FBXL17: variants seen among roughly 807,000 people sequenced by gnomAD.
FBXL17 encodes F-box/LRR-repeat protein 17.
A neutral mutation model predicts 66.2 loss-of-function variants in FBXL17; 22 were observed. The ratio of observed to expected loss-of-function variants is 0.33; its 90% CI spans 0.24 to 0.47. FBXL17 has a LOEUF of 0.47. Ranked by LOEUF, FBXL17 falls within the 20% of genes least tolerant of loss-of-function variation. The probability of loss-of-function intolerance (pLI) is 1.00; values close to 1 mark genes in which losing one functional copy is unlikely to be tolerated. For synonymous variants in FBXL17, 474 were observed against 400.5 expected (o/e 1.18, Z -2.19); for missense variants, 878 against 948.2 (o/e 0.93, Z 0.97).
intron 4 of FBXL17, among the ~76,000 whole-genome samples, chr5:108,313,175 C>G (rs540188606): frequency 9.7e-4 from 147 of 152,180 alleles, no homozygotes; most frequent in African/African-American, 3.1e-3. Flanking sequence ...TCATCTAATA[C>G]AGGTTTCTAC....
At chr5:108,073,727 C>A (rs542241583) in intron 6 of FBXL17, among the ~76,000 whole-genome samples, 1 of 152,056 alleles carries the variant, frequency 6.6e-6, no homozygotes, top group East Asian at 1.9e-4. Context: ...AATAAATAAG[C>A]AAGAGTTCAC....
chr5:107,981,257 A>C (rs555186916), intron 7 of FBXL17, among the ~76,000 whole-genome samples: 3 of 152,348 alleles, frequency 2.0e-5, no homozygotes, highest in Non-Finnish European at 2.9e-5. Context: ...AGGGGTGAAA[A>C]TGAATCCTAT....
chr5:108,003,679 T>C (rs2112721103), intron 7 of FBXL17, among the ~76,000 whole-genome samples: 1 of 152,090 alleles, frequency 6.6e-6, no homozygotes, highest in East Asian at 1.9e-4. Context: ...TTCCAGAAAG[T>C]ACAAAGATGA....
At chr5:107,920,801 A>T (rs1750294541) in intron 7 of FBXL17, among the ~76,000 whole-genome samples, 1 of 152,182 alleles carries the variant, frequency 6.6e-6, no homozygotes, top group Non-Finnish European at 1.5e-5. Flanking sequence ...AGACAGGTTT[A>T]ATGTTCACCA....
At chr5:108,243,623 C>G (rs755093987) in intron 4 of FBXL17, among the ~76,000 whole-genome samples, 2 of 152,138 alleles carry the variant, frequency 1.3e-5, no homozygotes, top group Non-Finnish European at 1.5e-5. Flanking sequence ...TGTTTTAACT[C>G]TCTGAAAGTA....
chr5:107,883,808 GC>G (rs1195923012), intron 7 of FBXL17, among the ~76,000 whole-genome samples: 2 of 152,128 alleles, frequency 1.3e-5, no homozygotes, highest in East Asian at 1.9e-4. Flanking sequence ...GGGTGTAAGA[GC>G]CCCCTCACGC....
chr5:108,065,794 G>A (rs148705234), intron 6 of FBXL17, among the ~76,000 whole-genome samples: 323 of 152,146 alleles, frequency 2.1e-3, no homozygotes, highest in Middle Eastern at 3.4e-3. Flanking sequence ...ATTTCTCTCC[G>A]CCTAACTCTG....
At chr5:108,193,406 T>C (rs958650210) in intron 5 of FBXL17, among the ~76,000 whole-genome samples, 14 of 151,808 alleles carry the variant, frequency 9.2e-5, no homozygotes, top group African/African-American at 3.4e-4. Context: ...TCTTGAAGTA[T>C]AAAAGTAGAA....
chr5:108,299,059 CA>C, intron 4 of FBXL17: 1 of 976,932 alleles, frequency 1.0e-6, no homozygotes, highest in Non-Finnish European at 1.2e-6. Flanking sequence ...CATATCTGAA[CA>C]AAAAAGCCCC....
At chr5:108,242,287 T>G (rs977941010) in intron 4 of FBXL17, among the ~76,000 whole-genome samples, 1 of 152,104 alleles carries the variant, frequency 6.6e-6, no homozygotes, top group African/African-American at 2.4e-5. Context: ...ACTCCAGCAA[T>G]CCTCCTGCCT....
At chr5:108,171,965 C>T (rs1466992985) in intron 6 of FBXL17, among the ~76,000 whole-genome samples, 1 of 152,168 alleles carries the variant, frequency 6.6e-6, no homozygotes, top group Admixed American at 6.5e-5. Context: ...TGCTGCCATC[C>T]GTGTAAGACG....
At chr5:108,207,189 T>C (rs929014809) in intron 5 of FBXL17, among the ~76,000 whole-genome samples, 2 of 152,164 alleles carry the variant, frequency 1.3e-5, no homozygotes, top group African/African-American at 4.8e-5. Flanking sequence ...GGGTAACTGA[T>C]ACCACCCATG....
intron 6 of FBXL17, among the ~76,000 whole-genome samples, chr5:108,081,440 G>T (rs1251906791): frequency 6.6e-6 from 1 of 152,104 alleles, no homozygotes; most frequent in Non-Finnish European, 1.5e-5. Context: ...AGAGCCAGTA[G>T]GCCGGGCACG....
intron 6 of FBXL17, among the ~76,000 whole-genome samples, chr5:108,093,798 T>G (rs923194913): frequency 6.6e-6 from 1 of 152,174 alleles, no homozygotes; most frequent in African/African-American, 2.4e-5. Context: ...TGTCTATGTT[T>G]TATTCTAATG....
chr5:108,074,149 C>T (rs1364290429), intron 6 of FBXL17, among the ~76,000 whole-genome samples: 1 of 152,094 alleles, frequency 6.6e-6, no homozygotes, highest in Non-Finnish European at 1.5e-5. Flanking sequence ...TCCCAGTGTA[C>T]ACATTAATAT....
At chr5:107,879,542 T>C (rs1044106388) in intron 8 of FBXL17, 1 of 985,274 alleles carries the variant, frequency 1.0e-6, no homozygotes, top group African/African-American at 1.7e-5. Flanking sequence ...TAAACATAAC[T>C]AGCTGGCAAA....
At position 107,948,613 on chromosome 5, in the gene FBXL17, C is replaced by T. The variant is rs118075597; in HGVS notation, c.1823-67434G>A. ...TTTCAAATCCATAAACCTGGCTGTG[C>T]CACTCCCCAGGGAACCCTTCAATGT... is the stretch of plus-strand genomic sequence containing the variant. On this transcript the variant is annotated intron_variant, in intron 7 of 8. Coordinates refer to ENST00000542267, the MANE Select transcript of FBXL17 (RefSeq NM_001163315.3). Among the ~76,000 whole-genome samples the T allele has an allele frequency of 2.2e-3, 338 of 152,300 alleles. 14 individuals are homozygous for T. In the East Asian group the frequency reaches 0.059, roughly 26 times the overall value.
intron 6 of FBXL17, among the ~76,000 whole-genome samples, chr5:108,042,578 G>C (rs1436477017): frequency 6.6e-6 from 1 of 152,212 alleles, no homozygotes; most frequent in Non-Finnish European, 1.5e-5. Flanking sequence ...CATCAAGGTT[G>C]CTGCGTCTAC....
chr5:108,265,451 T>C (rs990497153), intron 4 of FBXL17, among the ~76,000 whole-genome samples: 1 of 152,148 alleles, frequency 6.6e-6, no homozygotes, highest in Non-Finnish European at 1.5e-5. Flanking sequence ...ATCTAGACTA[T>C]ATTAAACCCA....
Sources: gnomAD v4.1 joint callset for allele counts (sites outside exome capture counted in the v4.1 genomes callset) on GRCh38, gnomAD v4.1.1 for gene constraint, MANE v1.5 for transcripts, NCBI Gene and HGNC (gene_info 2026-07-23, HGNC 2026-07-21) for gene names.